Variants in SUSD4 observed in about 807,000 individuals in gnomAD.
The protein encoded by SUSD4 is sushi domain containing 4.
A neutral mutation model predicts 50.5 loss-of-function variants in SUSD4; 41 were observed. That is an observed-to-expected ratio of 0.81 (90% CI 0.63 to 1.05). SUSD4 has a LOEUF of 1.05. SUSD4 is among the 50% of genes least tolerant of loss of function. The pLI is 0.00. For synonymous variants in SUSD4, 257 were observed against 257.3 expected (o/e 1.00, Z 0.01); for missense variants, 580 against 634.7 (o/e 0.91, Z 0.93).
chr1:223,259,199 C>T (rs1304022457), intron 5 of SUSD4, among the ~76,000 whole-genome samples: 1 of 152,182 alleles, frequency 6.6e-6, no homozygotes, highest in African/African-American at 2.4e-5. Context: ...AAACCATACA[C>T]CTCAGAGGCA....
At chr1:223,226,412 T>C (rs942900416) in intron 7 of SUSD4, among the ~76,000 whole-genome samples, 1 of 152,174 alleles carries the variant, frequency 6.6e-6, no homozygotes, top group Non-Finnish European at 1.5e-5. Context: ...GAAAGAGGGA[T>C]GCACCTATCA....
intron 3 of SUSD4, among the ~76,000 whole-genome samples, chr1:223,288,919 T>C (rs1347340627): frequency 2.0e-5 from 3 of 152,242 alleles, no homozygotes; most frequent in Non-Finnish European, 4.4e-5. Context: ...TTTTATGTCC[T>C]GAGGACGTAT....
intron 2 of SUSD4, among the ~76,000 whole-genome samples, chr1:223,355,018 C>T (rs947729571): frequency 1.3e-5 from 2 of 151,720 alleles, no homozygotes; most frequent in African/African-American, 4.8e-5. Flanking sequence ...AGGGCAGTGG[C>T]TTGATTTCAG....
intron 2 of SUSD4, among the ~76,000 whole-genome samples, chr1:223,359,890 T>A (rs1668877045): frequency 6.6e-6 from 1 of 151,602 alleles, no homozygotes. Flanking sequence ...TAAGAGAGAG[T>A]TCTAGGTAAA....
intron 2 of SUSD4, among the ~76,000 whole-genome samples, chr1:223,349,329 A>G (rs934858969): frequency 6.6e-6 from 1 of 152,234 alleles, no homozygotes; most frequent in Non-Finnish European, 1.5e-5. Context: ...CTACCTCCCC[A>G]TAATAATTCA....
At position 223,222,077 on chromosome 1, in the gene SUSD4, C is replaced by G; in HGVS notation, c.*115G>C. ...AGATGCATAATGTGAACTGTGGTCC[C>G]CATGTAGACAAGTTAGACATTTTGC... On this transcript the variant is annotated 3_prime_UTR_variant, in exon 9 of 9. Coordinates refer to ENST00000366878, the MANE Select transcript of SUSD4 (RefSeq NM_017982.4). The G allele has an allele frequency of 1.0e-6, 1 of 991,032 alleles. No homozygotes were observed. The highest frequency in any genetic ancestry group is 1.5e-6 in the Non-Finnish European group (1 of 659,206). 61.4% of individuals were successfully genotyped at this position (991,032 alleles called of 1,614,324 possible).
chr1:223,308,128 T>C (rs1572027409), intron 2 of SUSD4, among the ~76,000 whole-genome samples: 1 of 152,310 alleles, frequency 6.6e-6, no homozygotes, highest in Middle Eastern at 3.4e-3. Context: ...TTCTGAAAAC[T>C]ATGTGATATG....
intron 2 of SUSD4, among the ~76,000 whole-genome samples, chr1:223,350,466 T>C (rs17162003): frequency 0.017 from 2,560 of 152,306 alleles, 72 homozygotes; most frequent in East Asian, 0.12. Flanking sequence ...CCAGGTGCTG[T>C]CACTCCCAAG....
chr1:223,287,673 A>G (rs2103134129), intron 3 of SUSD4, among the ~76,000 whole-genome samples: 1 of 152,226 alleles, frequency 6.6e-6, no homozygotes, highest in East Asian at 1.9e-4. Flanking sequence ...TGACAGACCT[A>G]TGGGACTCCA....
At chr1:223,322,514 C>T (rs1666632756) in intron 2 of SUSD4, among the ~76,000 whole-genome samples, 1 of 152,134 alleles carries the variant, frequency 6.6e-6, no homozygotes, top group African/African-American at 2.4e-5. Context: ...GACAAGGCTC[C>T]TGCCCTCTAG....
intron 7 of SUSD4, among the ~76,000 whole-genome samples, chr1:223,223,897 T>A (rs1659312300): frequency 1.3e-5 from 2 of 152,234 alleles, no homozygotes; most frequent in Admixed American, 6.5e-5. Flanking sequence ...TACTATCTCC[T>A]CATGCTTTTT....
At chr1:223,270,083 G>T (rs967114594) in intron 3 of SUSD4, among the ~76,000 whole-genome samples, 2 of 152,154 alleles carry the variant, frequency 1.3e-5, no homozygotes, top group Admixed American at 1.3e-4. Context: ...ACAGACTTCA[G>T]AAAATAGGAT....
At chr1:223,301,304 G>C (rs1479096149) in intron 2 of SUSD4, among the ~76,000 whole-genome samples, 1 of 152,190 alleles carries the variant, frequency 6.6e-6, no homozygotes, top group Non-Finnish European at 1.5e-5. Flanking sequence ...ATGGGGCCAG[G>C]GATCCTGACT....
At chr1:223,297,107 T>C (rs1481243496) in intron 2 of SUSD4, among the ~76,000 whole-genome samples, 1 of 152,148 alleles carries the variant, frequency 6.6e-6, no homozygotes, top group Non-Finnish European at 1.5e-5. Context: ...GTCAACTACA[T>C]AAAGATCTGA....
At chr1:223,318,859 C>T (rs1666397427) in intron 2 of SUSD4, among the ~76,000 whole-genome samples, 1 of 105,846 alleles carries the variant, frequency 9.4e-6, no homozygotes, top group African/African-American at 3.7e-5. Flanking sequence ...AATCCTAAGC[C>T]AAAAGAACAA....
At chr1:223,342,807 T>C (rs962575548) in intron 2 of SUSD4, among the ~76,000 whole-genome samples, 96 of 152,274 alleles carry the variant, frequency 6.3e-4, no homozygotes, top group African/African-American at 2.1e-3. Context: ...GTAAATAACC[T>C]TGGGTTGGCA....
At chr1:223,249,612 G>A (rs1204210497) in intron 5 of SUSD4, among the ~76,000 whole-genome samples, 1 of 152,146 alleles carries the variant, frequency 6.6e-6, no homozygotes, top group Non-Finnish European at 1.5e-5. Context: ...CTATGCTTCA[G>A]TGTATGTGTG....
At chr1:223,322,748 A>T (rs970724357) in intron 2 of SUSD4, among the ~76,000 whole-genome samples, 2 of 152,202 alleles carry the variant, frequency 1.3e-5, no homozygotes, top group Non-Finnish European at 2.9e-5. Context: ...TCACCAAATT[A>T]TCTTGAAATT....
intron 3 of SUSD4, among the ~76,000 whole-genome samples, chr1:223,282,396 G>A (rs1571965999): frequency 6.6e-6 from 1 of 152,116 alleles, no homozygotes; most frequent in African/African-American, 2.4e-5. Flanking sequence ...CAAAGTCTCA[G>A]GATACAAAAT....
Sources: allele counts gnomAD v4.1 joint callset (sites outside exome capture counted in the v4.1 genomes callset), GRCh38; gene constraint gnomAD v4.1.1; transcripts MANE v1.5; gene names NCBI Gene and HGNC (gene_info 2026-07-23, HGNC 2026-07-21).